RALY: variants seen among roughly 807,000 people sequenced by gnomAD.
The protein encoded by RALY is RALY heterogeneous nuclear ribonucleoprotein.
In RALY, 15 loss-of-function variants were observed where a neutral mutation model predicts 30.7. The ratio of observed to expected loss-of-function variants is 0.49; its 90% CI spans 0.33 to 0.75. The LOEUF (loss-of-function observed/expected upper bound fraction) is 0.75, where lower values mean the gene tolerates loss of function less well. RALY is among the 30% of genes least tolerant of loss of function. The pLI is 0.02. For synonymous variants in RALY, 177 were observed against 170.8 expected (o/e 1.04, Z -0.28); for missense variants, 339 against 414.3 (o/e 0.82, Z 1.58).
At chr20:34,072,988 G>A (rs1438879633) in intron 3 of RALY, among the ~76,000 whole-genome samples, 1 of 151,592 alleles carries the variant, frequency 6.6e-6, no homozygotes, top group Non-Finnish European at 1.5e-5. Context: ...GAATGTGTCA[G>A]CAGATATACA....
intron 5 of RALY, among the ~76,000 whole-genome samples, chr20:34,075,510 C>G (rs1209530595): frequency 1.3e-5 from 2 of 151,828 alleles, no homozygotes; most frequent in Non-Finnish European, 2.9e-5. Context: ...AAACTCTGAG[C>G]AGAGGTTGGG....
chr20:34,022,476 C>T (rs2031866543), intron 1 of RALY, among the ~76,000 whole-genome samples: 1 of 152,060 alleles, frequency 6.6e-6, no homozygotes, highest in Non-Finnish European at 1.5e-5. Flanking sequence ...TTGTTCTGGC[C>T]AGTTTGAACT....
At chr20:34,073,793 C>T in intron 4 of RALY, 26 bp from the exon 5 acceptor site, 2 of 1,613,488 alleles carry the variant, frequency 1.2e-6, no homozygotes, top group South Asian at 1.1e-5. Context: ...CCCTAAGCTC[C>T]AGCCCTCTCC....
At chr20:34,071,639 C>G (rs957830609) in intron 2 of RALY, among the ~76,000 whole-genome samples, 2 of 152,060 alleles carry the variant, frequency 1.3e-5, no homozygotes, top group African/African-American at 4.8e-5. Context: ...TACCATGTGA[C>G]CATGGTTCTA....
At chr20:34,050,674 C>T (rs1039766126) in intron 2 of RALY, among the ~76,000 whole-genome samples, 2 of 152,214 alleles carry the variant, frequency 1.3e-5, no homozygotes, top group Non-Finnish European at 2.9e-5. Context: ...TCACCTCCCC[C>T]TCTTGCCATC....
chr20:34,023,983 C>G lies in RALY; in HGVS notation c.-92-7539C>G, dbSNP rs187939493. ...TGGGAGTCCAAGGCGGGCGGATCAC[C>G]TGAGATTATCAGGAGTTCGAGACCA... On this transcript the variant is annotated intron_variant, in intron 1 of 9. Coordinates refer to ENST00000246194, the MANE Select transcript of RALY (RefSeq NM_016732.3). 2.4e-3 allele frequency among the ~76,000 whole-genome samples: 365 copies of G among 152,172 alleles called. 3 individuals are homozygous for G. The highest frequency in any genetic ancestry group is 0.014 in the Middle Eastern group (4 of 294).
intron 2 of RALY, among the ~76,000 whole-genome samples, chr20:34,060,151 A>G (rs1181233742): frequency 6.6e-6 from 1 of 152,122 alleles, no homozygotes; most frequent in African/African-American, 2.4e-5. Flanking sequence ...TTTTTCCTTG[A>G]TCACAGTTCA....
chr20:34,045,446 C>A (rs919172592), intron 2 of RALY, among the ~76,000 whole-genome samples: 1 of 152,064 alleles, frequency 6.6e-6, no homozygotes, highest in Non-Finnish European at 1.5e-5. Context: ...GGAGTAGCAG[C>A]AGTAAAGAGG....
At chr20:34,022,149 C>T (rs73257736) in intron 1 of RALY, among the ~76,000 whole-genome samples, 33 of 149,318 alleles carry the variant, frequency 2.2e-4, no homozygotes, top group African/African-American at 7.7e-4. Context: ...ATGCTGGTCT[C>T]GAACTCCTGG....
chr20:34,072,750 A>G (rs1259005396), intron 3 of RALY, among the ~76,000 whole-genome samples: 5 of 152,234 alleles, frequency 3.3e-5, no homozygotes, highest in African/African-American at 1.2e-4. Context: ...TCCATGTGAT[A>G]TGACTATGCT....
intron 2 of RALY, among the ~76,000 whole-genome samples, chr20:34,052,241 C>G (rs4911146): frequency 0.75 from 113,386 of 152,150 alleles, 42,746 homozygotes; most frequent in African/African-American, 0.85. Context: ...GTTGAGAGTG[C>G]AATATGCCAA....
At chr20:34,020,792 T>G (rs2031789869) in intron 1 of RALY, among the ~76,000 whole-genome samples, 1 of 152,088 alleles carries the variant, frequency 6.6e-6, no homozygotes, top group Non-Finnish European at 1.5e-5. Context: ...AGAAAGAAGG[T>G]AGTTATGCAA....
Position 34,076,776 on chromosome 20 carries a change from C to CG in RALY, c.620dup (p.Glu209GlyfsTer18). Reference sequence around the variant, plus strand: ...GTCCAATATCGATGCCCTGCTGAGCCGCTTGGAGCAGATCGCTGCGGAGCA... The same window carrying CG: ...GTCCAATATCGATGCCCTGCTGAGCCGGCTTGGAGCAGATCGCTGCGGAGCA... On this transcript the variant is annotated frameshift_variant, in exon 7 of 10. Transcript: ENST00000246194. LOFTEE classifies it high-confidence loss of function. 1 of 1,614,114 alleles carries CG rather than the reference C, an allele frequency of 6.2e-7. No homozygotes were observed. Among genetic ancestry groups the CG allele is most frequent in the Non-Finnish European group, 8.5e-7 (1 of 1,180,024 alleles).
chr20:34,060,312 A>T (rs2033378904), intron 2 of RALY, among the ~76,000 whole-genome samples: 1 of 152,232 alleles, frequency 6.6e-6, no homozygotes, highest in Admixed American at 6.5e-5. Context: ...AAACTTTCTG[A>T]GTGCCAACAT....
intron 1 of RALY, among the ~76,000 whole-genome samples, chr20:34,007,349 G>A (rs1477339038): frequency 6.6e-5 from 10 of 151,940 alleles, no homozygotes; most frequent in Admixed American, 5.9e-4. Context: ...GTGAAAGTCC[G>A]TCTCTACTAA....
chr20:34,014,810 G>A (rs1288182587), intron 1 of RALY, among the ~76,000 whole-genome samples: 2 of 152,160 alleles, frequency 1.3e-5, no homozygotes, highest in Admixed American at 6.5e-5. Flanking sequence ...ACATGGTATT[G>A]GTTGTTAACC....
chr20:34,037,343 G>A (rs2032534995), intron 2 of RALY, among the ~76,000 whole-genome samples: 1 of 152,176 alleles, frequency 6.6e-6, no homozygotes, highest in Admixed American at 6.5e-5. Flanking sequence ...GTGACACATG[G>A]CAAGCCAGGG....
At chr20:34,051,626 C>T (rs181510687) in intron 2 of RALY, among the ~76,000 whole-genome samples, 74 of 152,144 alleles carry the variant, frequency 4.9e-4, no homozygotes, top group African/African-American at 1.7e-3. Flanking sequence ...GACAGAGTCT[C>T]GCTCTGTTGC....
chr20:34,037,897 C>T lies in RALY; in HGVS notation c.-10+6293C>T, dbSNP rs553804809. Among the ~76,000 whole-genome samples the T allele has an allele frequency of 9.9e-5, 15 of 152,242 alleles. No homozygotes were observed. In the South Asian group the frequency reaches 2.9e-3, roughly 29 times the overall value. On this transcript the variant is annotated intron_variant, in intron 2 of 9. Coordinates refer to ENST00000246194, the MANE Select transcript of RALY (RefSeq NM_016732.3). ...TGCCAGTGTAATCATCAGATGGCTC[C>T]TAGAGAATTCTATGCAGGAGCGGGT... is the stretch of plus-strand genomic sequence containing the variant.
Sources: gnomAD v4.1 joint callset for allele counts (sites outside exome capture counted in the v4.1 genomes callset) on GRCh38, gnomAD v4.1.1 for gene constraint, MANE v1.5 for transcripts, NCBI Gene and HGNC (gene_info 2026-07-23, HGNC 2026-07-21) for gene names.